Variants in KCNK2 observed in about 807,000 individuals in gnomAD.
The protein encoded by KCNK2 is potassium two pore domain channel subfamily K member 2.
KCNK2 carries 21 observed loss-of-function variants against 40.5 expected under a neutral mutation model. The observed-to-expected ratio is 0.52, with a 90% confidence interval of 0.37 to 0.75. The LOEUF is 0.75. Ranked by LOEUF, KCNK2 falls within the 30% of genes least tolerant of loss-of-function variation. KCNK2 has a pLI of 0.00. For missense variants in KCNK2, 399 were observed against 531.6 expected (o/e 0.75, Z 2.45); for synonymous variants, 191 against 202.2 (o/e 0.94, Z 0.47).
Position 215,222,803 on chromosome 1 carries a change from C to T in KCNK2, c.964-12025C>T, listed in dbSNP as rs1666234669. On this transcript the variant is annotated intron_variant, in intron 6 of 6. Transcript: ENST00000444842. Reference sequence around the variant, plus strand: ...AAATGTTCCTTTTACCAGCACAGTTCAACAATACAATGAAATGTCAATACT... The same window carrying T: ...AAATGTTCCTTTTACCAGCACAGTTTAACAATACAATGAAATGTCAATACT... 3.3e-5 allele frequency among the ~76,000 whole-genome samples: 5 copies of T among 150,370 alleles called. No individual in the cohort carries two copies. In the South Asian group the frequency reaches 1.0e-3, roughly 31 times the overall value.
intron 2 of KCNK2, among the ~76,000 whole-genome samples, chr1:215,095,829 A>T (rs1659952025): frequency 6.6e-6 from 1 of 152,110 alleles, no homozygotes; most frequent in African/African-American, 2.4e-5. Flanking sequence ...GCAGCTGAAG[A>T]TACAGCAGGT....
chr1:215,159,289 C>T lies in KCNK2; in HGVS notation c.476-9910C>T, dbSNP rs142659196. ...AGTCATGGCAGATTCTTCATCTTGA[C>T]TCTAGGCACCCTTCTGTACTCCAGG... On this transcript the variant is annotated intron_variant, in intron 3 of 6. Coordinates refer to ENST00000444842, the MANE Select transcript of KCNK2 (RefSeq NM_001017425.3). Among the ~76,000 whole-genome samples, 6 of 152,244 alleles carry T rather than the reference C, an allele frequency of 3.9e-5. No homozygotes were observed. The East Asian group carries it at 1.2e-3, about 30-fold the overall frequency.
intron 6 of KCNK2, among the ~76,000 whole-genome samples, chr1:215,195,610 G>A (rs1664832111): frequency 6.6e-6 from 1 of 151,934 alleles, no homozygotes; most frequent in Admixed American, 6.6e-5. Context: ...CCTGTATATA[G>A]ATTTTAACAA....
intron 3 of KCNK2, among the ~76,000 whole-genome samples, chr1:215,167,409 T>C (rs1663495505): frequency 6.6e-6 from 1 of 151,824 alleles, no homozygotes; most frequent in Non-Finnish European, 1.5e-5. Context: ...AGTTCCAAAT[T>C]AATTTAATAT....
chr1:215,102,788 A>T (rs1022812007), intron 2 of KCNK2, among the ~76,000 whole-genome samples: 1 of 152,032 alleles, frequency 6.6e-6, no homozygotes, highest in African/African-American at 2.4e-5. Flanking sequence ...CATTACAGTA[A>T]CATGCTGTAC....
intron 6 of KCNK2, among the ~76,000 whole-genome samples, chr1:215,209,238 A>C (rs1665455746): frequency 7.8e-6 from 1 of 128,212 alleles, no homozygotes; most frequent in South Asian, 2.2e-4. Flanking sequence ...TAAAATATAT[A>C]TAAATATACA....
intron 6 of KCNK2, among the ~76,000 whole-genome samples, chr1:215,230,528 T>TATACACATAACAGAC (rs1553276494): frequency 1.3e-4 from 11 of 87,956 alleles, no homozygotes; most frequent in Admixed American, 4.6e-4. Flanking sequence ...TATATATATA[T>TATACACATAACAGAC]ATATGTATAT....
rs201482650 is a variant in KCNK2, at chr1:215,083,194, T to TCCCCCCCCCCCCCCCCC, written c.-183_-182insCCCCCCCCCCCCCCCCC. ...CCCGCGATTTCGTTTCTTCTCACGC[T>TCCCCCCCCCCCCCCCCC]CCCCCCCCCGCCCCCTCCCGCGTCC... On this transcript the variant is annotated 5_prime_UTR_variant, in exon 1 of 7. Transcript: ENST00000444842. 44 of 502,524 alleles carry TCCCCCCCCCCCCCCCCC rather than the reference T, an allele frequency of 8.8e-5. 3 individuals are homozygous for TCCCCCCCCCCCCCCCCC. Among genetic ancestry groups the TCCCCCCCCCCCCCCCCC allele is most frequent in the Admixed American group, 1.7e-4 (5 of 29,616 alleles). The allele number at this position is 502,524 out of a possible 1,614,324, so 31.1% of individuals were successfully genotyped here.
chr1:215,209,515 A>T (rs1288821627), intron 6 of KCNK2, among the ~76,000 whole-genome samples: 12 of 1,494 alleles, frequency 8.0e-3, no homozygotes, highest in South Asian at 0.17. Context: ...ATATATATAA[A>T]ATATAATATA....
At chr1:215,203,961 C>T (rs997429802) in intron 6 of KCNK2, among the ~76,000 whole-genome samples, 35 of 138,256 alleles carry the variant, frequency 2.5e-4, no homozygotes, top group African/African-American at 8.8e-4. Context: ...TGGTGTGAAC[C>T]CGGGAGGTGG....
intron 1 of KCNK2, among the ~76,000 whole-genome samples, chr1:215,056,499 C>CAAAAAAAAAA (rs376076606): frequency 4.2e-4 from 23 of 55,120 alleles, no homozygotes; most frequent in East Asian, 1.6e-3. Flanking sequence ...GACTCAGTCT[C>CAAAAAAAAAA]AAAAAAAAAA....
At chr1:215,078,727 T>G (rs1659042602), upstream of KCNK2, among the ~76,000 whole-genome samples, 1 of 152,170 alleles carries the variant, frequency 6.6e-6, no homozygotes, top group Admixed American at 6.5e-5. Flanking sequence ...AACACATAAA[T>G]GCTGTCTCAC....
rs1392381700 is a variant in KCNK2 at position 215,135,302 on chromosome 1, A to T, written c.475+10552A>T. On this transcript the variant is annotated intron_variant, in intron 3 of 6. Transcript: ENST00000444842. Reference sequence around the variant, plus strand: ...ATTCTGGGCAAATCACAGTTCTATTATCCTTAATTTTCTCATTTGTCAACT... The same window carrying T: ...ATTCTGGGCAAATCACAGTTCTATTTTCCTTAATTTTCTCATTTGTCAACT... 2.6e-5 allele frequency among the ~76,000 whole-genome samples: 4 copies of T among 152,226 alleles called. No individual in the cohort carries two copies. The South Asian group carries it at 6.2e-4, about 24-fold the overall frequency.
intron 5 of KCNK2, among the ~76,000 whole-genome samples, chr1:215,185,044 T>C: frequency 6.6e-6 from 1 of 152,180 alleles, no homozygotes; most frequent in Non-Finnish European, 1.5e-5. Context: ...AATAGGAGAA[T>C]GATAGCTGTG....
At chr1:215,090,758 T>C (rs1659659064) in intron 2 of KCNK2, among the ~76,000 whole-genome samples, 1 of 152,232 alleles carries the variant, frequency 6.6e-6, no homozygotes, top group Non-Finnish European at 1.5e-5. Context: ...CCACTCCTTC[T>C]TGAGCTAGGT....
rs114102173 is a variant in KCNK2 at position 215,093,034 on chromosome 1, C to T, written c.357+6356C>T. 5.5e-3 allele frequency among the ~76,000 whole-genome samples: 841 copies of T among 152,002 alleles called. 10 individuals are homozygous for T. The highest frequency in any genetic ancestry group is 0.052 in the South Asian group (250 of 4,818). ...GCTGCAAATATGAGTTTGGAGTTTG[C>T]GGGAGGGGCCAGACTGAAGATACAC... is the stretch of plus-strand genomic sequence containing the variant. On this transcript the variant is annotated intron_variant, in intron 2 of 6. Transcript: ENST00000444842.
chr1:215,060,805 G>A lies in KCNK2; in HGVS notation c.35-25563G>A, dbSNP rs149134575. Among the ~76,000 whole-genome samples the A allele has an allele frequency of 3.9e-5, 6 of 151,942 alleles. No homozygotes were observed. The East Asian group carries it at 1.2e-3, about 29-fold the overall frequency. On this transcript the variant is annotated intron_variant, in intron 1 of 6. Transcript: ENST00000391895. ...TATTAGCACAGAATCTGGTTTCTTA[G>A]GTACATCATTATAAAAATATGAAAG...
At chr1:215,041,807 G>A (rs1189486236) in intron 1 of KCNK2, among the ~76,000 whole-genome samples, 1 of 152,124 alleles carries the variant, frequency 6.6e-6, no homozygotes, top group African/African-American at 2.4e-5. Context: ...TTTTGTCATA[G>A]ACCATCAGGT....
chr1:215,054,450 A>T (rs1038690904), intron 1 of KCNK2, among the ~76,000 whole-genome samples: 1 of 152,198 alleles, frequency 6.6e-6, no homozygotes, highest in Non-Finnish European at 1.5e-5. Flanking sequence ...TGAGTATAAA[A>T]GGTGCCACAT....
Sources: allele counts gnomAD v4.1 joint callset (sites outside exome capture counted in the v4.1 genomes callset), GRCh38; gene constraint gnomAD v4.1.1; transcripts MANE v1.5; gene names NCBI Gene and HGNC (gene_info 2026-07-23, HGNC 2026-07-21).